SFRP5: variants seen among roughly 807,000 people sequenced by gnomAD.
SFRP5 encodes secreted frizzled related protein 5.
A neutral mutation model predicts 27.0 loss-of-function variants in SFRP5; 22 were observed. The observed-to-expected ratio is 0.82, with a 90% CI of 0.58 to 1.17. The LOEUF (loss-of-function observed/expected upper bound fraction) is 1.17. SFRP5 is among the 50% of genes most tolerant of loss of function. The pLI is 0.00. For missense variants in SFRP5, 406 were observed against 436.6 expected (o/e 0.93, Z 0.63); for synonymous variants, 171 against 195.0 (o/e 0.88, Z 1.03).
chr10:97,771,867 C>G lies in SFRP5; in HGVS notation c.-34G>C. 9.8e-7 allele frequency: 1 copy of G among 1,025,540 alleles called. No individual in the cohort carries two copies. The allele number at this position is 1,025,540 out of a possible 1,614,324, so 63.5% of individuals were successfully genotyped here. A position where few individuals can be genotyped will look rare whatever the true frequency, so the allele number is the denominator to read the frequency against. ...CCTCTCCAGGTGCGCGCCGCGCAGC[C>G]CCCCGACGCTCGGTGCCCGGCGGCC... On this transcript the variant is annotated 5_prime_UTR_variant, in exon 1 of 3. Coordinates refer to ENST00000266066, the MANE Select transcript of SFRP5 (RefSeq NM_003015.3). This position sits in a 1 kb window ranked among gnomAD's most constrained non-coding sequence, Gnocchi z 5.2.
At position 97,771,820 on chromosome 10, in the gene SFRP5, G is replaced by A. The variant is rs1163447198; in HGVS notation, c.14C>T (p.Ala5Val). The A allele has an allele frequency of 1.7e-6, 2 of 1,187,712 alleles. No individual in the cohort carries two copies. The highest frequency in any genetic ancestry group is 2.1e-6 in the Non-Finnish European group (2 of 964,504). 73.6% of individuals were successfully genotyped at this position (1,187,712 alleles called of 1,614,324 possible). A position where few individuals can be genotyped will look rare whatever the true frequency, so the allele number is the denominator to read the frequency against. The change falls in exon 1 of 3, where the codon GCG becomes GTG. Residue 5 changes from alanine (A) to valine (V), a missense_variant. Ala to Val is a moderately conservative substitution (Grantham distance 64). Transcript: ENST00000266066. The surrounding 1 kb of genome is among the most constrained non-coding windows in gnomAD (Gnocchi z 5.2). ...GGCCGTCCGCACGCCCCCCCCCGCC[G>A]CCGCCGCCCGCATGGCTGCGCCCTC... MRAAAAGGGVRTAAL... is the reference protein window; with the variant it reads MRAAVAGGGVRTAAL...
At position 97,771,314 on chromosome 10, in the gene SFRP5, C is replaced by T. The variant is rs1237238028; in HGVS notation, c.520G>A (p.Ala174Thr). ...AVQFGHLPAT[A>T]PPVTKICAQC... is the part of the protein sequence containing the mutation. The stretch of plus-strand genomic sequence containing the variant: ...GCGGCGGCGGCGCTACCTGGAGGCG[C>T]GGTGGCGGGCAGGTGCCCGAACTGC... The change falls in exon 1 of 3, where the codon GCG (alanine) becomes ACG (threonine). Residue 174 changes from alanine to threonine, a missense_variant. Physicochemically the swap from Ala to Thr is moderately conservative, Grantham distance 58. Coordinates refer to ENST00000266066, the MANE Select transcript of SFRP5 (RefSeq NM_003015.3). This position sits in a 1 kb window ranked among gnomAD's most constrained non-coding sequence, Gnocchi z 5.2. 6.4e-7 allele frequency: 1 copy of T among 1,569,074 alleles called. No individual in the cohort carries two copies. Among genetic ancestry groups the T allele is most frequent in the East Asian group, 2.3e-5 (1 of 42,822 alleles).
intron 1 of SFRP5, among the ~76,000 whole-genome samples, chr10:97,770,900 C>T (rs2049511141): frequency 2.0e-5 from 3 of 152,164 alleles, no homozygotes; most frequent in Admixed American, 1.3e-4. Context: ...TTTGGTGCCT[C>T]GGGATCCAGG....
In SFRP5 at chr10:97,767,770, C is replaced by A; in HGVS notation, c.698G>T (p.Gly233Val). Residue 233 changes from glycine to valine, a missense_variant, in exon 3 of 3, where the codon GGC becomes GTC. By Grantham distance (109) the Gly-to-Val change is moderately radical. Transcript: ENST00000266066. ...AQKKKKLLKP[G>V]PLKRKDTKRL... Reference sequence around the variant, plus strand: ...CTTGGTGTCCTTGCGCTTCAGGGGGCCCGGCTTGAGCAGCTTCTTCTTTTT... The same window carrying A: ...CTTGGTGTCCTTGCGCTTCAGGGGGACCGGCTTGAGCAGCTTCTTCTTTTT... The A allele has an allele frequency of 6.3e-7, 1 of 1,586,354 alleles. No homozygotes were observed. Among genetic ancestry groups the A allele is most frequent in the Non-Finnish European group, 8.6e-7 (1 of 1,167,532 alleles).
chr10:97,769,616 A>T, intron 2 of SFRP5, 52 bp downstream of exon 2: 2 of 1,283,578 alleles, frequency 1.6e-6, no homozygotes, highest in South Asian at 2.5e-5. Context: ...GCGTCAAGAA[A>T]GAGGGGCTGG....
chr10:97,767,538 G>A lies in SFRP5; in HGVS notation c.930C>T (p.Phe310=), dbSNP rs538025266. The change falls in exon 3 of 3, where the codon TTC becomes TTT. Residue 310 remains phenylalanine, a synonymous_variant. Transcript: ENST00000266066. ...SYPCSLYYPF[F]YGAAEPH ...TTCAGTGGGGCTCTGCCGCCCCGTA[G>A]AAGAAAGGGTAGTAGAGGGAGCAGG... 3 of 1,611,446 alleles carry A rather than the reference G, an allele frequency of 1.9e-6. No individual in the cohort carries two copies. The South Asian group carries it at 3.3e-5, about 18-fold the overall frequency.
rs1246642156 is a variant in SFRP5 at position 97,767,583 on chromosome 10, G to A, written c.885C>T (p.Val295=). 6.2e-7 allele frequency: 1 copy of A among 1,613,398 alleles called. No individual in the cohort carries two copies. Among genetic ancestry groups the A allele is most frequent in the Non-Finnish European group, 8.5e-7 (1 of 1,180,026 alleles). ...AGCAGGGGTAGGAGAACATGAATTT[G>A]ACTGCAAACTTCATCTCCTTATTCT... is the stretch of plus-strand genomic sequence containing the variant. ...DKKNKEMKFA[V]KFMFSYPCSL... The change falls in exon 3 of 3, where the codon GTC becomes GTT. Residue 295 remains valine, a synonymous_variant. Transcript: ENST00000266066.
chr10:97,767,343 C>T lies in SFRP5; in HGVS notation c.*171G>A, dbSNP rs1398202660. 5 of 570,350 alleles carry T rather than the reference C, an allele frequency of 8.8e-6. No homozygotes were observed. Among genetic ancestry groups the T allele is most frequent in the Non-Finnish European group, 1.5e-5 (5 of 327,956 alleles). 35.3% of individuals were successfully genotyped at this position (570,350 alleles called of 1,614,324 possible). The stretch of plus-strand genomic sequence containing the variant: ...AGGAAGCCCAACATCCCAGGGACCC[C>T]AGGACCCCTGGGTCAAAAAGGACAG... On this transcript the variant is annotated 3_prime_UTR_variant, in exon 3 of 3. Transcript: ENST00000266066.
chr10:97,771,227 T>C lies in SFRP5; in HGVS notation c.529+78A>G. The C allele has an allele frequency of 1.2e-6, 1 of 864,006 alleles. No individual in the cohort carries two copies. The highest frequency in any genetic ancestry group is 2.8e-5 in the East Asian group (1 of 35,644). The allele number at this position is 864,006 out of a possible 1,614,324, so 53.5% of individuals were successfully genotyped here. On this transcript the variant is annotated intron_variant, in intron 1 of 2. Transcript: ENST00000266066. This position sits in a 1 kb window ranked among gnomAD's most constrained non-coding sequence, Gnocchi z 5.2. ...GTGGGCGGAGGGGGGGAGCTGCACC[T>C]CTTGGGGGGTTCGCAGAGCTGTGCT...
Position 97,767,264 on chromosome 10 carries a change from A to ACC in SFRP5, c.*249_*250insGG, listed in dbSNP as rs2049489715. ...TCCCTTACCCTCTCCTCCCCTGCCT[A>ACC]CTTTCTGAGACCCTGAGGTCTTCAC... On this transcript the variant is annotated 3_prime_UTR_variant, in exon 3 of 3. Transcript: ENST00000266066. 4 of 406,540 alleles carry ACC rather than the reference A, an allele frequency of 9.8e-6. No homozygotes were observed. Among genetic ancestry groups the ACC allele is most frequent in the Non-Finnish European group, 1.7e-5 (4 of 229,314 alleles). 25.2% of individuals were successfully genotyped at this position (406,540 alleles called of 1,614,324 possible).
Position 97,771,278 on chromosome 10 carries a change from G to C in SFRP5, c.529+27C>G. 2 of 1,486,830 alleles carry C rather than the reference G, an allele frequency of 1.3e-6. No homozygotes were observed. The highest frequency in any genetic ancestry group is 1.8e-6 in the Non-Finnish European group (2 of 1,109,830). The allele number at this position is 1,486,830 out of a possible 1,614,324, so 92.1% of individuals were successfully genotyped here. A position where few individuals can be genotyped will look rare whatever the true frequency, so the allele number is the denominator to read the frequency against. ...AGGGGAGCTGCAGGGCCGTCGGAGC[G>C]CGCGGGGACGGCGGCGGCGGCGCTA... On this transcript the variant is annotated intron_variant, in intron 1 of 2. Transcript: ENST00000266066. The surrounding 1 kb of genome is among the most constrained non-coding windows in gnomAD (Gnocchi z 5.2).
At chr10:97,770,444 G>C (rs2049508212) in intron 1 of SFRP5, among the ~76,000 whole-genome samples, 1 of 152,196 alleles carries the variant, frequency 6.6e-6, no homozygotes, top group Non-Finnish European at 1.5e-5. Flanking sequence ...CGGGGAGGAA[G>C]GGGGAGAGGG....
intron 2 of SFRP5, among the ~76,000 whole-genome samples, chr10:97,769,207 G>A (rs189381213): frequency 9.6e-4 from 147 of 152,346 alleles, no homozygotes; most frequent in Non-Finnish European, 1.6e-3. Flanking sequence ...ATGAAGCTGT[G>A]GGGACAGGTG....
rs1183428265 is a variant in SFRP5 at position 97,767,462 on chromosome 10, C to T, written c.*52G>A. On this transcript the variant is annotated 3_prime_UTR_variant, in exon 3 of 3. Transcript: ENST00000266066. ...GGCCGGGTCAGCCTGGAAGTTGGGG[C>T]GGGGCCAGAGGGCAAGCAAGGCACA... is the stretch of plus-strand genomic sequence containing the variant. 35 of 1,413,694 alleles carry T rather than the reference C, an allele frequency of 2.5e-5. No homozygotes were observed. The highest frequency in any genetic ancestry group is 4.4e-4 in the Middle Eastern group (2 of 4,552). The allele number at this position is 1,413,694 out of a possible 1,614,324, so 87.6% of individuals were successfully genotyped here.
At position 97,771,278 on chromosome 10, in the gene SFRP5, G is replaced by A; in HGVS notation, c.529+27C>T. On this transcript the variant is annotated intron_variant, in intron 1 of 2. Transcript: ENST00000266066. The surrounding 1 kb of genome is among the most constrained non-coding windows in gnomAD (Gnocchi z 5.2). ...AGGGGAGCTGCAGGGCCGTCGGAGC[G>A]CGCGGGGACGGCGGCGGCGGCGCTA... The A allele has an allele frequency of 6.7e-7, 1 of 1,486,830 alleles. No individual in the cohort carries two copies. The highest frequency in any genetic ancestry group is 9.0e-7 in the Non-Finnish European group (1 of 1,109,830). The allele number at this position is 1,486,830 out of a possible 1,614,324, so 92.1% of individuals were successfully genotyped here. A position where few individuals can be genotyped will look rare whatever the true frequency, so the allele number is the denominator to read the frequency against.
At chr10:97,770,544 G>A (rs576452646) in intron 1 of SFRP5, among the ~76,000 whole-genome samples, 42 of 152,012 alleles carry the variant, frequency 2.8e-4, no homozygotes, top group African/African-American at 9.6e-4. Flanking sequence ...GGACTGAGGG[G>A]TGGGTGGGAG....
chr10:97,771,812 C>A lies in SFRP5; in HGVS notation c.22G>T (p.Gly8Trp), dbSNP rs948810329. 1.0e-5 allele frequency: 12 copies of A among 1,203,948 alleles called. No homozygotes were observed. The highest frequency in any genetic ancestry group is 3.6e-5 in the East Asian group (1 of 28,022). The allele number at this position is 1,203,948 out of a possible 1,614,324, so 74.6% of individuals were successfully genotyped here. A position where few individuals can be genotyped will look rare whatever the true frequency, so the allele number is the denominator to read the frequency against. The change falls in exon 1 of 3, where the codon GGG becomes TGG. Residue 8 changes from glycine (G) to tryptophan (W), a missense_variant. By Grantham distance (184) the Gly-to-Trp change is radical. Coordinates refer to ENST00000266066, the MANE Select transcript of SFRP5 (RefSeq NM_003015.3). The surrounding 1 kb of genome is among the most constrained non-coding windows in gnomAD (Gnocchi z 5.2). ...GCCAGCGCGGCCGTCCGCACGCCCC[C>A]CCCCGCCGCCGCCGCCCGCATGGCT... MRAAAAG[G>W]GVRTAALALL...
At chr10:97,770,327 C>A (rs2049507635) in intron 1 of SFRP5, among the ~76,000 whole-genome samples, 1 of 152,192 alleles carries the variant, frequency 6.6e-6, no homozygotes, top group Non-Finnish European at 1.5e-5. Context: ...ACCTTGGCCT[C>A]CCAAAGTGCT....
chr10:97,770,815 A>G lies in SFRP5; in HGVS notation c.529+490T>C, dbSNP rs547622575. Reference sequence around the variant, plus strand: ...ATAGTCCAGAACATTCTTAGTCCCCAGTCTTTCTCCACATCCCTTCCCTCA... The same window carrying G: ...ATAGTCCAGAACATTCTTAGTCCCCGGTCTTTCTCCACATCCCTTCCCTCA... On this transcript the variant is annotated intron_variant, in intron 1 of 2. Coordinates refer to ENST00000266066, the MANE Select transcript of SFRP5 (RefSeq NM_003015.3). 2.0e-5 allele frequency among the ~76,000 whole-genome samples: 3 copies of G among 152,318 alleles called. No homozygotes were observed. In the South Asian group the frequency reaches 6.2e-4, roughly 32 times the overall value.
Sources: gnomAD v4.1 joint callset for allele counts (sites outside exome capture counted in the v4.1 genomes callset) on GRCh38, gnomAD v4.1.1 for gene constraint, Gnocchi (gnomAD v3.1) non-coding constraint, MANE v1.5 for transcripts, NCBI Gene and HGNC (gene_info 2026-07-23, HGNC 2026-07-21) for gene names.